The following VRK1 variants were observed in gnomAD, a reference collection of about 807,000 sequenced individuals.
The protein encoded by VRK1 is serine/threonine-protein kinase VRK1.
A neutral mutation model predicts 57.1 loss-of-function variants in VRK1; 33 were observed. The observed-to-expected ratio is 0.58, with a 90% CI of 0.44 to 0.77. The LOEUF (loss-of-function observed/expected upper bound fraction) is 0.77. VRK1 is among the 30% of genes least tolerant of loss of function. The probability of loss-of-function intolerance (pLI) is 0.00; values close to 1 mark genes in which losing one functional copy is unlikely to be tolerated. For synonymous variants in VRK1, 137 were observed against 147.8 expected, an observed-to-expected ratio of 0.93 and a Z score of 0.53; for missense variants, 413 against 477.3, an observed-to-expected ratio of 0.87 and a Z score of 1.25.
At chr14:96,814,216 C>G (rs1414142352) in intron 1 of VRK1, among the ~76,000 whole-genome samples, 1 of 152,170 alleles carries the variant, frequency 6.6e-6, no homozygotes, top group African/African-American at 2.4e-5. Flanking sequence ...CTTTTAGAGA[C>G]TGTAGTACTT....
intron 11 of VRK1, among the ~76,000 whole-genome samples, chr14:96,875,435 A>G (rs1213351687): frequency 6.6e-6 from 1 of 152,256 alleles, no homozygotes; most frequent in Non-Finnish European, 1.5e-5. Context: ...ATTCATGTAC[A>G]GTAAGGTTTA....
intron 11 of VRK1, among the ~76,000 whole-genome samples, chr14:96,866,917 C>G (rs1342966030): frequency 3.9e-5 from 6 of 152,162 alleles, no homozygotes; most frequent in African/African-American, 1.4e-4. Context: ...CAAAATGTCT[C>G]CACTCATTTT....
At chr14:96,833,987 T>C (rs1887115692) in intron 2 of VRK1, among the ~76,000 whole-genome samples, 1 of 152,230 alleles carries the variant, frequency 6.6e-6, no homozygotes, top group Non-Finnish European at 1.5e-5. Flanking sequence ...TTTGTCTGAT[T>C]TAGAGGTTTG....
At chr14:96,832,199 G>C (rs28616062) in intron 1 of VRK1, among the ~76,000 whole-genome samples, 19,741 of 152,036 alleles carry the variant, frequency 0.13, 1,626 homozygotes, top group Non-Finnish European at 0.19. Context: ...GGGTGAGTTG[G>C]TGAAAAATTC....
chr14:96,839,454 A>G (rs908301015), intron 3 of VRK1, among the ~76,000 whole-genome samples: 7 of 152,166 alleles, frequency 4.6e-5, no homozygotes, highest in Middle Eastern at 6.8e-3. Context: ...GCCCTTGTAC[A>G]CATTGGCCAA....
intron 10 of VRK1, among the ~76,000 whole-genome samples, chr14:96,857,320 G>A (rs780598058): frequency 6.6e-6 from 1 of 152,110 alleles, no homozygotes; most frequent in Non-Finnish European, 1.5e-5. Context: ...TAAGTAGGCT[G>A]TCCAGGGACA....
chr14:96,865,855 A>G (rs1403631458), intron 11 of VRK1, among the ~76,000 whole-genome samples: 1 of 151,556 alleles, frequency 6.6e-6, no homozygotes, highest in Non-Finnish European at 1.5e-5. Context: ...ACTATTCCTA[A>G]TATATATAAG....
intron 1 of VRK1, among the ~76,000 whole-genome samples, chr14:96,824,131 A>G (rs540772488): frequency 1.3e-5 from 2 of 152,350 alleles, no homozygotes; most frequent in Admixed American, 6.5e-5. Context: ...TTTTAAATAT[A>G]TAATTTATTT....
intron 10 of VRK1, among the ~76,000 whole-genome samples, chr14:96,858,240 C>A (rs12434558): frequency 3.3e-5 from 5 of 151,802 alleles, no homozygotes; most frequent in Admixed American, 2.6e-4. Flanking sequence ...TACAGGCACA[C>A]GCCACCACAC....
intron 11 of VRK1, among the ~76,000 whole-genome samples, chr14:96,868,841 T>C (rs1164728702): frequency 3.3e-5 from 5 of 151,024 alleles, no homozygotes; most frequent in Admixed American, 3.3e-4. Context: ...TTGCTCTTGT[T>C]GCCCAGGCTG....
chr14:96,840,432 G>T (rs1198204728), intron 3 of VRK1, among the ~76,000 whole-genome samples: 1 of 152,082 alleles, frequency 6.6e-6, no homozygotes, highest in Non-Finnish European at 1.5e-5. Context: ...TATTTCTCCT[G>T]CTTCTTTTCA....
At chr14:96,851,377 G>T (rs752682943) in intron 5 of VRK1, among the ~76,000 whole-genome samples, 1 of 152,114 alleles carries the variant, frequency 6.6e-6, no homozygotes, top group Non-Finnish European at 1.5e-5. Context: ...CTGACCTCAG[G>T]TGATCCACCA....
At chr14:96,856,394 TTTTG>T (rs1242013987) in intron 9 of VRK1, 130 bp from the exon 10 acceptor site, 31 of 1,363,070 alleles carry the variant, frequency 2.3e-5, no homozygotes, top group Non-Finnish European at 2.9e-5. Flanking sequence ...TTCCTTGGTC[TTTTG>T]TTTATTTTAG....
At chr14:96,813,001 C>T (rs1886262543) in intron 1 of VRK1, among the ~76,000 whole-genome samples, 1 of 152,186 alleles carries the variant, frequency 6.6e-6, no homozygotes, top group Non-Finnish European at 1.5e-5. Context: ...AACAGGTAGA[C>T]CTGGACCATG....
chr14:96,856,802 A>G (rs1027163766), intron 10 of VRK1, among the ~76,000 whole-genome samples: 17 of 152,112 alleles, frequency 1.1e-4, no homozygotes, highest in Admixed American at 9.2e-4. Context: ...CCTCATCTCT[A>G]CTAAAAGTAC....
chr14:96,866,441 ATCTCT>A (rs1208667078), intron 11 of VRK1, among the ~76,000 whole-genome samples: 12 of 152,246 alleles, frequency 7.9e-5, no homozygotes, highest in African/African-American at 2.9e-4. Flanking sequence ...TATATTGGCG[ATCTCT>A]TCTCCATGAC....
At chr14:96,875,329 A>G (rs1888982772) in intron 11 of VRK1, among the ~76,000 whole-genome samples, 1 of 152,178 alleles carries the variant, frequency 6.6e-6, no homozygotes, top group South Asian at 2.1e-4. Context: ...CTGACTCCTA[A>G]ATAACACTTC....
chr14:96,855,606 A>C (rs182426956), intron 8 of VRK1, among the ~76,000 whole-genome samples: 1 of 152,142 alleles, frequency 6.6e-6, no homozygotes, highest in South Asian at 2.1e-4. Flanking sequence ...TTCAGCTGCC[A>C]TGAGGATTTC....
intron 3 of VRK1, among the ~76,000 whole-genome samples, chr14:96,838,043 G>A (rs1007903333): frequency 6.6e-6 from 1 of 152,044 alleles, no homozygotes; most frequent in Non-Finnish European, 1.5e-5. Context: ...GGGGGTAAAT[G>A]AAGGAAAGCA....
Sources: gnomAD v4.1 joint callset for allele counts (sites outside exome capture counted in the v4.1 genomes callset) on GRCh38, gnomAD v4.1.1 for gene constraint, MANE v1.5 for transcripts, NCBI Gene and HGNC (gene_info 2026-07-23, HGNC 2026-07-21) for gene names.